Variants in ANKRD34C observed in about 807,000 individuals in gnomAD.
The protein encoded by ANKRD34C is ankyrin repeat domain-containing protein 34C.
For missense variants in ANKRD34C, 563 were observed against 653.0 expected (o/e 0.86, Z 1.50); for synonymous variants, 260 against 253.6 (o/e 1.03, Z -0.24).
rs117885038 is a variant in ANKRD34C, at chr15:79,285,334, G to C, written c.-45+2106G>C. Among the ~76,000 whole-genome samples, 518 of 152,272 alleles carry C rather than the reference G, an allele frequency of 3.4e-3. 4 individuals are homozygous for C. The highest frequency in any genetic ancestry group is 0.026 in the East Asian group (137 of 5,174). On this transcript the variant is annotated intron_variant, in intron 1 of 1. Transcript: ENST00000421388. ...CCTTGCCCTCTGTGAGATCTTCACTGTGCCAAACAAGGGATGTTTAACTGG... is the reference window on the plus strand; with the variant it reads ...CCTTGCCCTCTGTGAGATCTTCACTCTGCCAAACAAGGGATGTTTAACTGG...
At chr15:79,285,399 G>C (rs941906390) in intron 1 of ANKRD34C, among the ~76,000 whole-genome samples, 2 of 152,166 alleles carry the variant, frequency 1.3e-5, no homozygotes, top group Non-Finnish European at 2.9e-5. Context: ...GGGAAATAAA[G>C]TGTATGACAT....
At position 79,294,692 on chromosome 15, in the gene ANKRD34C, C is replaced by T; in HGVS notation, c.1408C>T (p.Leu470=). Residue 470 remains leucine, a synonymous_variant, in exon 2 of 2, where the codon CTG becomes TTG. Coordinates refer to ENST00000421388, the MANE Select transcript of ANKRD34C (RefSeq NM_001146341.2). ...PGFLPPLNVN[L]NPPIPDIRSS... is the part of the protein sequence containing the mutation. ...CTTCCTGCCGCCTTTAAATGTGAAT[C>T]TGAACCCGCCTATTCCAGATATTAG... 1 of 1,551,734 alleles carries T rather than the reference C, an allele frequency of 6.4e-7. No homozygotes were observed. Among genetic ancestry groups the T allele is most frequent in the Non-Finnish European group, 8.7e-7 (1 of 1,147,004 alleles).
At chr15:79,284,607 G>A (rs1191089229) in intron 1 of ANKRD34C, among the ~76,000 whole-genome samples, 1 of 152,168 alleles carries the variant, frequency 6.6e-6, no homozygotes, top group Non-Finnish European at 1.5e-5. Context: ...AAGGGACTGG[G>A]CACAGAGCGG....
Position 79,297,420 on chromosome 15 carries a change from C to T in ANKRD34C, c.*2528C>T, listed in dbSNP as rs1468666591. 6.0e-6 allele frequency: 1 copy of T among 166,980 alleles called. No individual in the cohort carries two copies. The highest frequency in any genetic ancestry group is 2.4e-5 in the African/African-American group (1 of 41,406). 10.3% of individuals were successfully genotyped at this position (166,980 alleles called of 1,614,324 possible). On this transcript the variant is annotated 3_prime_UTR_variant, in exon 2 of 2. Transcript: ENST00000421388. The stretch of plus-strand genomic sequence containing the variant: ...AAACCTTTAGCTAAGATTTGGAAAC[C>T]CAATATTTCCTAAGTAGTGAATGTG...
At position 79,285,505 on chromosome 15, in the gene ANKRD34C, C is replaced by T. The variant is rs1596038210; in HGVS notation, c.-45+2277C>T. Among the ~76,000 whole-genome samples the T allele has an allele frequency of 2.0e-5, 3 of 152,258 alleles. No homozygotes were observed. The East Asian group carries it at 5.8e-4, about 29-fold the overall frequency. ...TAAAGTTTATATAAAGGTTTACATC[C>T]GTTAGCTTATTTAGGCCTTCTAACA... is the stretch of plus-strand genomic sequence containing the variant. On this transcript the variant is annotated intron_variant, in intron 1 of 1. Coordinates refer to ENST00000421388, the MANE Select transcript of ANKRD34C (RefSeq NM_001146341.2).
chr15:79,283,663 C>T (rs1320850308), intron 1 of ANKRD34C: 1 of 152,246 alleles, frequency 6.6e-6, no homozygotes, highest in Non-Finnish European at 1.5e-5. Context: ...CTGGTTTCAC[C>T]TGACCCCCAT....
At chr15:79,285,298 A>ATAATTCCATCCCT (rs2058640411) in intron 1 of ANKRD34C, among the ~76,000 whole-genome samples, 1 of 152,102 alleles carries the variant, frequency 6.6e-6, no homozygotes, top group African/African-American at 2.4e-5. Flanking sequence ...TCTCTTTTGT[A>ATAATTCCATCCCT]TAATTCCATC....
intron 1 of ANKRD34C, among the ~76,000 whole-genome samples, chr15:79,290,977 A>G (rs1364988007): frequency 6.6e-6 from 1 of 152,180 alleles, no homozygotes; most frequent in Non-Finnish European, 1.5e-5. Flanking sequence ...ATTTTCCTTG[A>G]GTACTAATAA....
chr15:79,293,696 C>A lies in ANKRD34C; in HGVS notation c.412C>A (p.Leu138Ile), dbSNP rs1380017412. ...AGATGACAAGGATGCATTGAAGCAT[C>A]TCCTTGATGCCTGCAAAGCCAAAGG... ...NADDKDALKHLLDACKAKGKE... is the reference protein window; with the variant it reads ...NADDKDALKHILDACKAKGKE... Residue 138 changes from leucine (L) to isoleucine (I), a missense_variant, in exon 2 of 2, where the codon CTC becomes ATC. Physicochemically the swap from Leu to Ile is conservative, Grantham distance 5. Transcript: ENST00000421388. 6.4e-7 allele frequency: 1 copy of A among 1,551,650 alleles called. No individual in the cohort carries two copies. The highest frequency in any genetic ancestry group is 8.7e-7 in the Non-Finnish European group (1 of 1,146,962).
intron 1 of ANKRD34C, among the ~76,000 whole-genome samples, chr15:79,292,239 C>T (rs191025235): frequency 5.0e-4 from 76 of 152,224 alleles, no homozygotes; most frequent in African/African-American, 1.3e-3. Context: ...ATGTGGTACC[C>T]GTGGGCTGGC....
At chr15:79,292,442 G>A (rs1053259647) in intron 1 of ANKRD34C, among the ~76,000 whole-genome samples, 2 of 152,202 alleles carry the variant, frequency 1.3e-5, no homozygotes, top group African/African-American at 2.4e-5. Context: ...GAACAAAAAT[G>A]CAATCCTCTT....
chr15:79,294,389 C>A lies in ANKRD34C; in HGVS notation c.1105C>A (p.Pro369Thr). The A allele has an allele frequency of 6.4e-7, 1 of 1,551,512 alleles. No homozygotes were observed. Among genetic ancestry groups the A allele is most frequent in the South Asian group, 1.2e-5 (1 of 84,038 alleles). The change falls in exon 2 of 2, where the codon CCT becomes ACT. Residue 369 changes from proline to threonine, a missense_variant. Coordinates refer to ENST00000421388, the MANE Select transcript of ANKRD34C (RefSeq NM_001146341.2). ...ATCAGGACCCTCTGCTCTCAAAGAG[C>A]CTGCATCCCTCAAATGGCTGGAAAA... ...GPSGPSALKE[P>T]ASLKWLENDL...
In ANKRD34C at chr15:79,293,489, A is replaced by C. The variant is rs1265695654; in HGVS notation, c.205A>C (p.Lys69Gln). 1 of 1,551,656 alleles carries C rather than the reference A, an allele frequency of 6.4e-7. No homozygotes were observed. The highest frequency in any genetic ancestry group is 8.7e-7 in the Non-Finnish European group (1 of 1,146,966). The change falls in exon 2 of 2, where the codon AAG (lysine) becomes CAG (glutamine). Residue 69 changes from lysine to glutamine, a missense_variant. By Grantham distance (53) the Lys-to-Gln change is moderately conservative (BLOSUM62 1). Transcript: ENST00000421388. ...AAGCATCAGCAAGTCCAAGATGGTG[A>C]AGTACCTGCTGGACAACAGGGCAGA... Reference protein sequence around the residue: ...QQSISKSKMVKYLLDNRADPN... With the variant: ...QQSISKSKMVQYLLDNRADPN...
At chr15:79,289,099 C>T (rs1264289945) in intron 1 of ANKRD34C, among the ~76,000 whole-genome samples, 2 of 152,122 alleles carry the variant, frequency 1.3e-5, no homozygotes, top group Admixed American at 6.5e-5. Flanking sequence ...GGATTACAGG[C>T]GTGAGCCACC....
chr15:79,287,341 A>T (rs1197178447), intron 1 of ANKRD34C, among the ~76,000 whole-genome samples: 1 of 152,222 alleles, frequency 6.6e-6, no homozygotes. Flanking sequence ...TACTATAAAG[A>T]TTAAATGACA....
intron 1 of ANKRD34C, among the ~76,000 whole-genome samples, chr15:79,289,947 T>C (rs184493638): frequency 9.2e-5 from 14 of 152,334 alleles, no homozygotes; most frequent in African/African-American, 3.1e-4. Context: ...AAGAAAAAGA[T>C]AGAGAATATA....
chr15:79,289,936 A>G lies in ANKRD34C; in HGVS notation c.-44-3305A>G, dbSNP rs138045276. On this transcript the variant is annotated intron_variant, in intron 1 of 1. Coordinates refer to ENST00000421388, the MANE Select transcript of ANKRD34C (RefSeq NM_001146341.2). ...GTGTGTGTGTGCATGCACGTGTGCA[A>G]AAGAAAAAGATAGAGAATATACAAA... Among the ~76,000 whole-genome samples, 376 of 152,342 alleles carry G rather than the reference A, an allele frequency of 2.5e-3. 3 individuals are homozygous for G. Among genetic ancestry groups the G allele is most frequent in the African/African-American group, 8.9e-3 (369 of 41,570 alleles).
chr15:79,292,737 T>C (rs2058662773), intron 1 of ANKRD34C, among the ~76,000 whole-genome samples: 1 of 152,228 alleles, frequency 6.6e-6, no homozygotes, highest in Non-Finnish European at 1.5e-5. Flanking sequence ...TTTGGTGTGT[T>C]TCCTAATAGT....
chr15:79,291,599 CACAGAGAGAGAGAGAG>C (rs1306342774), intron 1 of ANKRD34C, among the ~76,000 whole-genome samples: 2 of 104,064 alleles, frequency 1.9e-5, no homozygotes, highest in Non-Finnish European at 4.0e-5. Flanking sequence ...CACACACACA[CACAGAGAGAGAGAGAG>C]AGAGAGAGAG....
Sources: allele counts gnomAD v4.1 joint callset (sites outside exome capture counted in the v4.1 genomes callset), GRCh38; gene constraint gnomAD v4.1.1; transcripts MANE v1.5; gene names NCBI Gene and HGNC (gene_info 2026-07-23, HGNC 2026-07-21).